Variants in HMGCLL1 observed in about 807,000 individuals in gnomAD.
The protein encoded by HMGCLL1 is 3-hydroxy-3-methylglutaryl-CoA lyase like 1.
HMGCLL1 carries 36 observed loss-of-function variants against 39.1 expected under a neutral mutation model. The ratio of observed to expected loss-of-function variants is 0.92; its 90% CI spans 0.71 to 1.22. The LOEUF (loss-of-function observed/expected upper bound fraction) is 1.22. HMGCLL1 is among the 50% of genes most tolerant of loss of function. The pLI is 0.00. For synonymous variants in HMGCLL1, 149 were observed against 144.0 expected, an observed-to-expected ratio of 1.03 and a Z score of -0.25; for missense variants, 451 against 416.5, an observed-to-expected ratio of 1.08 and a Z score of -0.72.
At chr6:55,616,164 G>A in the HMGCLL1 span, among the ~76,000 whole-genome samples, 1 of 152,002 alleles carries the variant, frequency 6.6e-6, no homozygotes, top group Admixed American at 6.6e-5. Context: ...TAAGACTTGG[G>A]AACAATTTCC....
intron 1 of HMGCLL1, among the ~76,000 whole-genome samples, chr6:55,559,247 C>T (rs924829105): frequency 2.0e-5 from 3 of 152,010 alleles, no homozygotes; most frequent in Non-Finnish European, 2.9e-5. Context: ...AAATATAGTC[C>T]TTTATTTAAT....
chr6:55,532,029 G>A (rs969961891), intron 3 of HMGCLL1, among the ~76,000 whole-genome samples: 3 of 152,038 alleles, frequency 2.0e-5, no homozygotes, highest in African/African-American at 4.8e-5. Flanking sequence ...CCACCTCCCC[G>A]TTTGTGGAAA....
chr6:55,571,822 T>A (rs1309019783), intron 1 of HMGCLL1, among the ~76,000 whole-genome samples: 2 of 151,526 alleles, frequency 1.3e-5, no homozygotes, highest in Non-Finnish European at 2.9e-5. Flanking sequence ...AAATAAAAAA[T>A]AAAAAATAAT....
the HMGCLL1 span, among the ~76,000 whole-genome samples, chr6:55,631,710 C>T: frequency 6.6e-6 from 1 of 152,062 alleles, no homozygotes; most frequent in Admixed American, 6.6e-5. Context: ...TTTCTCTGTA[C>T]CGTTACTGGG....
At chr6:55,593,380 C>T in the HMGCLL1 span, among the ~76,000 whole-genome samples, 2 of 152,138 alleles carry the variant, frequency 1.3e-5, no homozygotes. Context: ...ATTCAAACAT[C>T]ATTTCCTTTT....
intron 7 of HMGCLL1, among the ~76,000 whole-genome samples, chr6:55,444,386 AAC>A (rs921119885): frequency 2.6e-5 from 4 of 152,040 alleles, no homozygotes; most frequent in African/African-American, 4.8e-5. Context: ...TAGGATATAT[AAC>A]ACACACACAT....
At chr6:55,437,854 G>C (rs1189167878) in intron 8 of HMGCLL1, among the ~76,000 whole-genome samples, 1 of 152,028 alleles carries the variant, frequency 6.6e-6, no homozygotes, top group Non-Finnish European at 1.5e-5. Context: ...CATAGCAGAG[G>C]TAGTAAGGGA....
the HMGCLL1 span, among the ~76,000 whole-genome samples, chr6:55,587,743 G>A: frequency 6.6e-6 from 1 of 152,034 alleles, no homozygotes; most frequent in South Asian, 2.1e-4. Flanking sequence ...AAAAAGGCAG[G>A]GGTTGCAATC....
the HMGCLL1 span, among the ~76,000 whole-genome samples, chr6:55,648,321 C>A: frequency 8.0e-5 from 12 of 150,414 alleles, no homozygotes; most frequent in African/African-American, 2.9e-4. Context: ...AAAGCAAGAG[C>A]AAACACATTC....
At chr6:55,664,821 G>T in the HMGCLL1 span, among the ~76,000 whole-genome samples, 3 of 151,638 alleles carry the variant, frequency 2.0e-5, no homozygotes, top group African/African-American at 7.2e-5. Context: ...GCAGCCCTCA[G>T]TCCTTTGCTC....
chr6:55,453,042 G>T (rs1764170622), intron 7 of HMGCLL1, among the ~76,000 whole-genome samples: 1 of 152,188 alleles, frequency 6.6e-6, no homozygotes, highest in South Asian at 2.1e-4. Context: ...ATTGGGCTTT[G>T]AAGGATATTG....
At chr6:55,600,855 C>T in the HMGCLL1 span, among the ~76,000 whole-genome samples, 2 of 151,918 alleles carry the variant, frequency 1.3e-5, no homozygotes, top group African/African-American at 2.4e-5. Context: ...ATTGTAGAAG[C>T]TATGTTACAA....
At chr6:55,592,249 T>G in the HMGCLL1 span, among the ~76,000 whole-genome samples, 1 of 151,946 alleles carries the variant, frequency 6.6e-6, no homozygotes, top group Admixed American at 6.6e-5. Flanking sequence ...CTCTTTTAAT[T>G]TATTTACTAC....
the HMGCLL1 span, among the ~76,000 whole-genome samples, chr6:55,662,336 C>A: frequency 6.6e-6 from 1 of 151,660 alleles, no homozygotes; most frequent in African/African-American, 2.4e-5. Flanking sequence ...TCATTGATGG[C>A]TCATTATTTT....
At chr6:55,556,018 C>T (rs1264837345) in intron 1 of HMGCLL1, among the ~76,000 whole-genome samples, 2 of 151,930 alleles carry the variant, frequency 1.3e-5, no homozygotes, top group African/African-American at 4.8e-5. Flanking sequence ...AGGATCTTTG[C>T]GGGGGTTCCC....
the HMGCLL1 span, among the ~76,000 whole-genome samples, chr6:55,650,357 G>C: frequency 6.6e-6 from 1 of 151,518 alleles, no homozygotes; most frequent in African/African-American, 2.4e-5. Flanking sequence ...AAGGGACTTG[G>C]TCCCCAAGCC....
rs1033844134 is a variant in HMGCLL1, at chr6:55,501,674, A to C, written c.543-2375T>G. 7.9e-5 allele frequency among the ~76,000 whole-genome samples: 12 copies of C among 152,066 alleles called. No individual in the cohort carries two copies. The East Asian group carries it at 2.3e-3, about 29-fold the overall frequency. ...TTAAAAAAGATAAACACTGATGCTTAGGATATGTTCCAAAACAATTAAACC... is the reference window on the plus strand; with the variant it reads ...TTAAAAAAGATAAACACTGATGCTTCGGATATGTTCCAAAACAATTAAACC... On this transcript the variant is annotated intron_variant, in intron 5 of 8. Transcript: ENST00000274901.
intron 7 of HMGCLL1, among the ~76,000 whole-genome samples, chr6:55,451,394 G>A (rs992851981): frequency 2.6e-5 from 4 of 151,736 alleles, no homozygotes; most frequent in Non-Finnish European, 4.4e-5. Context: ...AGACTGAGGC[G>A]GGTGGATCAC....
In HMGCLL1 at chr6:55,567,638, T is replaced by C. The variant is rs532151504; in HGVS notation, c.108+11310A>G. On this transcript the variant is annotated intron_variant, in intron 1 of 8. Transcript: ENST00000274901. Reference sequence around the variant, plus strand: ...AGAAAAAATTGCAGGGAAAAGAAATTAACATGATCTAAATAAACAGCAGAA... The same window carrying C: ...AGAAAAAATTGCAGGGAAAAGAAATCAACATGATCTAAATAAACAGCAGAA... 5.3e-5 allele frequency among the ~76,000 whole-genome samples: 8 copies of C among 152,232 alleles called. No individual in the cohort carries two copies. In the South Asian group the frequency reaches 1.7e-3, roughly 32 times the overall value.
Sources: gnomAD v4.1 joint callset for allele counts (sites outside exome capture counted in the v4.1 genomes callset) on GRCh38, gnomAD v4.1.1 for gene constraint, MANE v1.5 for transcripts, NCBI Gene and HGNC (gene_info 2026-07-23, HGNC 2026-07-21) for gene names.